PTPRD: variants seen among roughly 807,000 people sequenced by gnomAD.
PTPRD encodes the protein protein tyrosine phosphatase receptor type D.
A neutral mutation model predicts 214.5 loss-of-function variants in PTPRD; 34 were observed. That is an observed-to-expected ratio of 0.16 (90% CI 0.12 to 0.21). PTPRD has a LOEUF of 0.21. PTPRD is among the 10% of genes least tolerant of loss of function. The pLI, the probability that PTPRD is intolerant of heterozygous loss-of-function variation, is 1.00. For missense variants in PTPRD, 2,545 were observed against 2,398.7 expected (o/e 1.06, Z -1.27); for synonymous variants, 1,128 against 845.7 (o/e 1.33, Z -5.79).
chr9:10,066,976 A>T lies in PTPRD; in HGVS notation c.-544-33186T>A, dbSNP rs185024747. ...GGTTGTCCTTCTGGAAAAAAAAAAA[A>T]TAGGCTAGGTTTCAGAAGATGTTCT... On this transcript the variant is annotated intron_variant, in intron 3 of 45. Transcript: ENST00000381196. Among the ~76,000 whole-genome samples, 49 of 151,482 alleles carry T rather than the reference A, an allele frequency of 3.2e-4. No individual in the cohort carries two copies. In the East Asian group the frequency reaches 8.4e-3, roughly 26 times the overall value.
intron 3 of PTPRD, among the ~76,000 whole-genome samples, chr9:10,144,445 A>G (rs2099008754): frequency 6.6e-6 from 1 of 152,116 alleles, no homozygotes; most frequent in South Asian, 2.1e-4. Context: ...TTCAGTACCC[A>G]GGAACTTGCT....
chr9:8,431,897 G>C (rs1441770208), intron 35 of PTPRD, among the ~76,000 whole-genome samples: 1 of 152,222 alleles, frequency 6.6e-6, no homozygotes, highest in Non-Finnish European at 1.5e-5. Context: ...AGTTTCAGAA[G>C]GAATGGTATC....
At chr9:8,499,347 A>AATCATTTTT (rs1360842213) in intron 25 of PTPRD, among the ~76,000 whole-genome samples, 1 of 152,188 alleles carries the variant, frequency 6.6e-6, no homozygotes, top group Non-Finnish European at 1.5e-5. Context: ...CAACTAAGTC[A>AATCATTTTT]ATCATTTTTT....
chr9:9,119,123 G>A (rs1181007566), intron 10 of PTPRD, among the ~76,000 whole-genome samples: 2 of 152,186 alleles, frequency 1.3e-5, no homozygotes, highest in African/African-American at 4.8e-5. Context: ...TCTTTAGTAT[G>A]TCCTGCTGGG....
In PTPRD at chr9:10,208,374, C is replaced by T. The variant is rs532663551; in HGVS notation, c.-545+132589G>A. On this transcript the variant is annotated intron_variant, in intron 3 of 45. Transcript: ENST00000381196. ...CTAAAAATACAAAAAATTAGCCGGG[C>T]GTGGTGGCGGGCGCCTGTAGTCCCA... Among the ~76,000 whole-genome samples the T allele has an allele frequency of 7.9e-5, 12 of 152,132 alleles. No homozygotes were observed. In the South Asian group the frequency reaches 2.1e-3, roughly 26 times the overall value.
At chr9:9,338,774 T>C (rs150411658) in intron 9 of PTPRD, among the ~76,000 whole-genome samples, 1,722 of 152,294 alleles carry the variant, frequency 0.011, 29 homozygotes, top group African/African-American at 0.039. Context: ...ACACATGCCA[T>C]GGTGGCTTGC....
At chr9:9,388,041 G>A (rs2064482520) in intron 9 of PTPRD, among the ~76,000 whole-genome samples, 2 of 152,194 alleles carry the variant, frequency 1.3e-5, no homozygotes, top group Admixed American at 1.3e-4. Flanking sequence ...TGTACTGGAA[G>A]AATTGGATCA....
At chr9:8,933,780 G>C (rs1321826613) in intron 11 of PTPRD, among the ~76,000 whole-genome samples, 2 of 152,008 alleles carry the variant, frequency 1.3e-5, no homozygotes, top group Non-Finnish European at 2.9e-5. Flanking sequence ...AAACACGTTT[G>C]GTAGCATTTT....
intron 11 of PTPRD, among the ~76,000 whole-genome samples, chr9:8,943,107 A>C (rs1435233309): frequency 6.6e-6 from 1 of 152,148 alleles, no homozygotes; most frequent in African/African-American, 2.4e-5. Flanking sequence ...TGAAAACTAT[A>C]AAATGCTGAT....
chr9:9,686,913 G>C (rs776777044), intron 7 of PTPRD, among the ~76,000 whole-genome samples: 1 of 151,590 alleles, frequency 6.6e-6, no homozygotes, highest in Admixed American at 6.6e-5. Context: ...CAATATGTCT[G>C]GCCTGTTGCT....
At chr9:9,266,034 G>C (rs1194910555) in intron 9 of PTPRD, among the ~76,000 whole-genome samples, 2 of 151,466 alleles carry the variant, frequency 1.3e-5, no homozygotes, top group Non-Finnish European at 3.0e-5. Context: ...TGAATAGATT[G>C]ATAAAGATAT....
At chr9:8,864,542 A>G (rs2047133432) in intron 11 of PTPRD, among the ~76,000 whole-genome samples, 1 of 152,228 alleles carries the variant, frequency 6.6e-6, no homozygotes, top group South Asian at 2.1e-4. Flanking sequence ...AGAAAGCACT[A>G]ACACAGAACC....
chr9:9,827,757 A>T (rs2153593944), intron 5 of PTPRD, among the ~76,000 whole-genome samples: 1 of 152,322 alleles, frequency 6.6e-6, no homozygotes, highest in Admixed American at 6.5e-5. Context: ...CAATCTACTC[A>T]TCTGACAAAG....
At chr9:8,970,788 A>G (rs77607793) in intron 11 of PTPRD, among the ~76,000 whole-genome samples, 2,748 of 151,890 alleles carry the variant, frequency 0.018, 82 homozygotes, top group African/African-American at 0.061. Flanking sequence ...AAGCAGGACA[A>G]AATAAAACCA....
intron 11 of PTPRD, among the ~76,000 whole-genome samples, chr9:8,984,149 C>G (rs1349162916): frequency 6.6e-6 from 1 of 151,892 alleles, no homozygotes; most frequent in Non-Finnish European, 1.5e-5. Flanking sequence ...ATCATAAAAA[C>G]AATACAAAGA....
intron 7 of PTPRD, among the ~76,000 whole-genome samples, chr9:9,622,844 T>G (rs766055957): frequency 3.9e-5 from 6 of 152,316 alleles, no homozygotes; most frequent in Non-Finnish European, 7.4e-5. Context: ...GCTCTACCAG[T>G]TATTTGCCAT....
chr9:9,413,799 T>C (rs2076225132), intron 8 of PTPRD, among the ~76,000 whole-genome samples: 2 of 152,186 alleles, frequency 1.3e-5, no homozygotes, highest in Admixed American at 6.5e-5. Context: ...TTAGATAACA[T>C]TTTTAAAGTA....
chr9:9,617,518 T>C (rs1040534991), intron 7 of PTPRD, among the ~76,000 whole-genome samples: 6 of 152,116 alleles, frequency 3.9e-5, no homozygotes, highest in Non-Finnish European at 5.9e-5. Flanking sequence ...GGTTGACAAA[T>C]GTGTGTGAGT....
At chr9:10,039,820 C>A (rs1318130450) in intron 3 of PTPRD, among the ~76,000 whole-genome samples, 2 of 151,840 alleles carry the variant, frequency 1.3e-5, no homozygotes, top group Non-Finnish European at 2.9e-5. Flanking sequence ...ATAGAGAGGA[C>A]AAAATTTAAA....
Sources: gnomAD v4.1 joint callset for allele counts (sites outside exome capture counted in the v4.1 genomes callset) on GRCh38, gnomAD v4.1.1 for gene constraint, MANE v1.5 for transcripts, NCBI Gene and HGNC (gene_info 2026-07-23, HGNC 2026-07-21) for gene names.